Variants in SFRP4 observed in about 807,000 individuals in gnomAD.
The protein encoded by SFRP4 is secreted frizzled-related protein 4.
A neutral mutation model predicts 36.3 loss-of-function variants in SFRP4; 25 were observed. The observed-to-expected ratio is 0.69, with a 90% CI of 0.50 to 0.96. SFRP4 has a LOEUF of 0.96. SFRP4 is among the 40% of genes least tolerant of loss of function. The probability of loss-of-function intolerance (pLI) is 0.00; values close to 1 mark genes in which losing one functional copy is unlikely to be tolerated. For synonymous variants in SFRP4, 182 were observed against 168.8 expected (o/e 1.08, Z -0.60); for missense variants, 487 against 459.6 (o/e 1.06, Z -0.54).
chr7:37,914,287 G>T lies in SFRP4; in HGVS notation c.527-9C>A, dbSNP rs1229528163. On this transcript the variant is annotated splice_polypyrimidine_tract_variant and intron_variant, in intron 2 of 5. Transcript: ENST00000436072. ...TTTACACTTGCACCGATCTAAAAAA[G>T]GCAGAAGAGGCAGAAAGTTGGAAAA... 7 of 1,613,818 alleles carry T rather than the reference G, an allele frequency of 4.3e-6. No individual in the cohort carries two copies. The South Asian group carries it at 6.6e-5, about 15-fold the overall frequency.
At chr7:37,914,800 G>A (rs992812515) in intron 1 of SFRP4, among the ~76,000 whole-genome samples, 5 of 152,196 alleles carry the variant, frequency 3.3e-5, no homozygotes, top group Non-Finnish European at 1.5e-5. Flanking sequence ...GGGAGGCGAA[G>A]GTTGCCGTGA....
intron 4 of SFRP4, among the ~76,000 whole-genome samples, chr7:37,910,851 A>G (rs1785475812): frequency 6.6e-6 from 1 of 152,122 alleles, no homozygotes; most frequent in Non-Finnish European, 1.5e-5. Context: ...ATTTATCTTT[A>G]CGTCTACTAT....
chr7:37,907,648 A>G lies in SFRP4; in HGVS notation c.872T>C (p.Leu291Pro). 2.5e-6 allele frequency: 4 copies of G among 1,611,492 alleles called. No homozygotes were observed. The highest frequency in any genetic ancestry group is 2.5e-6 in the Non-Finnish European group (3 of 1,179,082). ...SKRSIQWEER[L>P]QEQRRTVQDK... is the part of the protein sequence containing the mutation. ...CTGAACTGTTCTCCGCTGTTCCTGC[A>G]GCCTCTCTTCCCACTGCTGAAAAGC... Residue 291 changes from leucine (L) to proline (P), a missense_variant, in exon 6 of 6, where the codon CTG becomes CCG. By Grantham distance (98) the Leu-to-Pro change is moderately conservative (BLOSUM62 -3). Coordinates refer to ENST00000436072, the MANE Select transcript of SFRP4 (RefSeq NM_003014.4).
chr7:37,909,008 TA>T, intron 5 of SFRP4, among the ~76,000 whole-genome samples: 1 of 152,314 alleles, frequency 6.6e-6, no homozygotes, highest in South Asian at 2.1e-4. Context: ...AAGGATGCTT[TA>T]AAAATTTAAA....
chr7:37,914,695 T>A (rs1053716508), intron 1 of SFRP4, among the ~76,000 whole-genome samples: 7 of 152,112 alleles, frequency 4.6e-5, no homozygotes, highest in Non-Finnish European at 8.8e-5. Context: ...TGAAACCCCA[T>A]CTCTACTAAA....
rs773518184 is a variant in SFRP4 at position 37,916,481 on chromosome 7, C to G, written c.57G>C (p.Val19=). 3.1e-6 allele frequency: 5 copies of G among 1,612,774 alleles called. No individual in the cohort carries two copies. The highest frequency in any genetic ancestry group is 1.1e-5 in the South Asian group (1 of 91,018). The change falls in exon 1 of 6, where the codon GTG becomes GTC. Residue 19 remains valine (V), a synonymous_variant. Coordinates refer to ENST00000436072, the MANE Select transcript of SFRP4 (RefSeq NM_003014.4). The surrounding 1 kb of genome is among the most constrained non-coding windows in gnomAD (Gnocchi z 4.1). ...GCACCGCCTCGCAGGGCGCGCCGCG[C>G]ACGCCCAGCGCCAGGTGCAGCCACA... ...LCLWLHLALG[V]RGAPCEAVRI... is the part of the protein sequence containing the mutation.
intron 4 of SFRP4, 108 bp downstream of exon 4, chr7:37,912,011 A>T (rs1583654499): frequency 1.3e-6 from 1 of 788,722 alleles, no homozygotes; most frequent in Non-Finnish European, 2.0e-6. Context: ...TAATTTTTTT[A>T]AAAAGACTTT....
chr7:37,916,514 C>T lies in SFRP4; in HGVS notation c.24G>A (p.Ala8=), dbSNP rs780871022. The change falls in exon 1 of 6, where the codon GCG becomes GCA. Residue 8 remains alanine (A), a synonymous_variant. Coordinates refer to ENST00000436072, the MANE Select transcript of SFRP4 (RefSeq NM_003014.4). The surrounding 1 kb of genome is among the most constrained non-coding windows in gnomAD (Gnocchi z 4.1). ...GCGCCAGGTGCAGCCACAGGCACAGCGCCACTAGGATGGAGAGGAACATGG... is the reference window on the plus strand; with the variant it reads ...GCGCCAGGTGCAGCCACAGGCACAGTGCCACTAGGATGGAGAGGAACATGG... MFLSILV[A]LCLWLHLALG... 8 of 1,610,294 alleles carry T rather than the reference C, an allele frequency of 5.0e-6. No individual in the cohort carries two copies. In the Admixed American group the frequency reaches 1.3e-4, roughly 27 times the overall value.
At chr7:37,909,532 A>G in intron 5 of SFRP4, 85 bp downstream of exon 5, 1 of 744,176 alleles carries the variant, frequency 1.3e-6, no homozygotes. Flanking sequence ...CTTGGAGATT[A>G]GAGAATGGGA....
intron 1 of SFRP4, among the ~76,000 whole-genome samples, chr7:37,914,829 C>T (rs1456713010): frequency 1.3e-5 from 2 of 152,326 alleles, no homozygotes; most frequent in Non-Finnish European, 2.9e-5. Flanking sequence ...TGTGCCATTG[C>T]ACTCCAGCCT....
Position 37,916,800 on chromosome 7 carries a change from G to C in SFRP4, c.-263C>G, listed in dbSNP as rs1785589861. ...CCGGGCAGCTCCAGTCCCGGACTCC[G>C]CAGCTCGGAGCGCAGCCAGCCACGG... On this transcript the variant is annotated 5_prime_UTR_variant, in exon 1 of 6. Coordinates refer to ENST00000436072, the MANE Select transcript of SFRP4 (RefSeq NM_003014.4). This position sits in a 1 kb window ranked among gnomAD's most constrained non-coding sequence, Gnocchi z 4.1. 4 of 549,474 alleles carry C rather than the reference G, an allele frequency of 7.3e-6. No homozygotes were observed. The highest frequency in any genetic ancestry group is 3.8e-5 in the African/African-American group (2 of 52,070). 34.0% of individuals were successfully genotyped at this position (549,474 alleles called of 1,614,324 possible).
intron 3 of SFRP4, among the ~76,000 whole-genome samples, chr7:37,912,857 T>C (rs1562850479): frequency 1.3e-5 from 2 of 152,248 alleles, no homozygotes; most frequent in African/African-American, 4.8e-5. Flanking sequence ...AGAACTGTTA[T>C]TACAGATGGC....
At chr7:37,915,364 A>G (rs1241464744) in intron 1 of SFRP4, among the ~76,000 whole-genome samples, 2 of 152,260 alleles carry the variant, frequency 1.3e-5, no homozygotes, top group African/African-American at 4.8e-5. Context: ...CAGCACAGCA[A>G]TATCATAGTC....
rs748472179 is a variant in SFRP4, at chr7:37,907,575, T to C, written c.945A>G (p.Lys315=). The C allele has an allele frequency of 3.1e-6, 5 of 1,613,638 alleles. No homozygotes were observed. The African/African-American group carries it at 6.7e-5, about 22-fold the overall frequency. The change falls in exon 6 of 6, where the codon AAA becomes AAG. Residue 315 remains lysine, a synonymous_variant. Coordinates refer to ENST00000436072, the MANE Select transcript of SFRP4 (RefSeq NM_003014.4). ...AGRTSRSNPP[K]PKGKPPAPKP... ...TGGGAGCAGGAGGCTTTCCCTTTGG[T>C]TTGGGGGGATTACTACGACTGGTGC...
chr7:37,911,942 A>T (rs978522351), intron 4 of SFRP4, among the ~76,000 whole-genome samples, 177 bp downstream of exon 4: 4 of 152,202 alleles, frequency 2.6e-5, no homozygotes, highest in African/African-American at 9.6e-5. Context: ...TTTTTCCTTC[A>T]TTCTATGAAG....
Position 37,916,150 on chromosome 7 carries a change from C to A in SFRP4, c.388G>T (p.Val130Phe), listed in dbSNP as rs1225880645. 1.9e-6 allele frequency: 3 copies of A among 1,614,104 alleles called. No individual in the cohort carries two copies. In the East Asian group the frequency reaches 6.7e-5, roughly 36 times the overall value. Residue 130 changes from valine to phenylalanine, a missense_variant, in exon 1 of 6, where the codon GTC becomes TTC. Val to Phe is a conservative substitution (Grantham distance 50). Coordinates refer to ENST00000436072, the MANE Select transcript of SFRP4 (RefSeq NM_003014.4). This position sits in a 1 kb window ranked among gnomAD's most constrained non-coding sequence, Gnocchi z 4.1. ...GAGATGCACACGCCACGGTCATAGA[C>A]AGGCAGCTCGTCGCAGGCCAGGCTT... Reference protein sequence around the residue: ...PESLACDELPVYDRGVCISPE... With the variant: ...PESLACDELPFYDRGVCISPE...
In SFRP4 at chr7:37,909,696, C is replaced by A; in HGVS notation, c.792-16G>T. 6.8e-7 allele frequency: 1 copy of A among 1,474,226 alleles called. No individual in the cohort carries two copies. The highest frequency in any genetic ancestry group is 1.2e-5 in the South Asian group (1 of 80,712). The allele number at this position is 1,474,226 out of a possible 1,614,324, so 91.3% of individuals were successfully genotyped here. ...AAGCATCATCCTGAAAAAAAATTATCTTAGTAAACAGATTTTTATTACAAA... is the reference window on the plus strand; with the variant it reads ...AAGCATCATCCTGAAAAAAAATTATATTAGTAAACAGATTTTTATTACAAA... On this transcript the variant is annotated splice_polypyrimidine_tract_variant and intron_variant, in intron 4 of 5. Coordinates refer to ENST00000436072, the MANE Select transcript of SFRP4 (RefSeq NM_003014.4).
chr7:37,914,535 A>G (rs542123371), intron 1 of SFRP4, 82 bp from the exon 2 acceptor site: 5 of 973,394 alleles, frequency 5.1e-6, no homozygotes, highest in South Asian at 1.3e-5. Context: ...CTCTGAAGAT[A>G]TAAACTAAAA....
At chr7:37,908,415 T>G (rs1785432168) in intron 5 of SFRP4, among the ~76,000 whole-genome samples, 1 of 152,228 alleles carries the variant, frequency 6.6e-6, no homozygotes, top group South Asian at 2.1e-4. Flanking sequence ...AGTCATCAGC[T>G]GGGTATTATT....
Sources: allele counts gnomAD v4.1 joint callset (sites outside exome capture counted in the v4.1 genomes callset), GRCh38; gene constraint gnomAD v4.1.1; non-coding constraint Gnocchi (gnomAD v3.1); transcripts MANE v1.5; gene names NCBI Gene and HGNC (gene_info 2026-07-23, HGNC 2026-07-21).